The following GOLGA6C variants were observed in gnomAD, a reference collection of about 807,000 sequenced individuals.
GOLGA6C encodes the protein golgin A6 family member C.
Under a neutral mutation model 57.5 loss-of-function variants are expected in GOLGA6C, and 3 were observed. The ratio of observed to expected loss-of-function variants is 0.05; its 90% CI spans 0.02 to 0.13. The LOEUF (loss-of-function observed/expected upper bound fraction) is 0.13. Ranked by LOEUF, GOLGA6C falls within the 10% of genes least tolerant of loss-of-function variation. The pLI is 1.00. For missense variants in GOLGA6C, 88 were observed against 525.6 expected, an observed-to-expected ratio of 0.17 and a Z score of 8.14; for synonymous variants, 32 against 203.8, an observed-to-expected ratio of 0.16 and a Z score of 7.18.
At chr15:75,259,222 A>G (rs1486173884) in intron 1 of GOLGA6C, among the ~76,000 whole-genome samples, 1 of 149,628 alleles carries the variant, frequency 6.7e-6, no homozygotes, top group Admixed American at 6.6e-5. Flanking sequence ...CATTGCACTG[A>G]TGAGGTTTCC....
intron 1 of GOLGA6C, among the ~76,000 whole-genome samples, chr15:75,259,235 C>A (rs1284914518): frequency 6.7e-6 from 1 of 148,544 alleles, no homozygotes; most frequent in Admixed American, 6.6e-5. Flanking sequence ...AGGTTTCCCC[C>A]ACCCCCAGGA....
intron 2 of GOLGA6C, 144 bp downstream of exon 2, chr15:75,260,636 T>G: frequency 2.8e-6 from 3 of 1,083,258 alleles, no homozygotes; most frequent in Non-Finnish European, 3.9e-6. Context: ...TATGGCAAGT[T>G]GCTTGAGCTC....
intron 1 of GOLGA6C, among the ~76,000 whole-genome samples, chr15:75,259,191 A>C (rs1595969575): frequency 2.0e-5 from 3 of 149,000 alleles, no homozygotes; most frequent in African/African-American, 7.5e-5. Context: ...CCCCTCCCCC[A>C]TCGTGGATCG....
intron 7 of GOLGA6C, 68 bp downstream of exon 7, chr15:75,264,151 T>C: frequency 1.0e-6 from 1 of 966,640 alleles, no homozygotes; most frequent in Non-Finnish European, 1.6e-6. Context: ...AGCCTAAAGG[T>C]CCCTTCTGCA....
rs2070799117 is a variant in GOLGA6C, at chr15:75,273,238, G to C, written c.*3039G>C. On this transcript the variant is annotated 3_prime_UTR_variant, in exon 18 of 18. Transcript: ENST00000300576. ...AAAATATGAATACTGTAGTTTGAAA[G>C]AAAGAAACTGGGGGAAGGAAAAGTA... Among the ~76,000 whole-genome samples, 1 of 152,188 alleles carries C rather than the reference G, an allele frequency of 6.6e-6. No individual in the cohort carries two copies. The highest frequency in any genetic ancestry group is 2.1e-4 in the South Asian group (1 of 4,828).
At chr15:75,264,439 G>GGGGTGTGT (rs1248915336) in intron 7 of GOLGA6C, among the ~76,000 whole-genome samples, 3 of 117,276 alleles carry the variant, frequency 2.6e-5, no homozygotes, top group Admixed American at 8.5e-5. Context: ...AGAGGAAAGG[G>GGGGTGTGT]GTGTGTGTGT....
At chr15:75,270,018 A>G in intron 17 of GOLGA6C, 33 bp downstream of exon 17, 1 of 1,578,356 alleles carries the variant, frequency 6.3e-7, no homozygotes, top group Non-Finnish European at 8.6e-7. Flanking sequence ...GTGGGCAGGC[A>G]GGGGCAGGGG....
chr15:75,259,308 C>CT (rs2070724439), intron 1 of GOLGA6C, among the ~76,000 whole-genome samples: 1 of 125,390 alleles, frequency 8.0e-6, no homozygotes, highest in Non-Finnish European at 1.6e-5. Context: ...CAAGACCGGC[C>CT]TTTGATCTTA....
chr15:75,259,176 C>A (rs1411877196), intron 1 of GOLGA6C, among the ~76,000 whole-genome samples: 3 of 151,928 alleles, frequency 2.0e-5, no homozygotes, highest in African/African-American at 7.3e-5. Context: ...CCCAGCCCCA[C>A]GTCCCCCCTC....
chr15:75,272,882 G>T lies in GOLGA6C; in HGVS notation c.*2683G>T, dbSNP rs1429905832. 6.6e-6 allele frequency among the ~76,000 whole-genome samples: 1 copy of T among 152,006 alleles called. No homozygotes were observed. The highest frequency in any genetic ancestry group is 1.5e-5 in the Non-Finnish European group (1 of 68,048). The stretch of plus-strand genomic sequence containing the variant: ...TTGCTTAGAAGGCAACATTAGAAGG[G>T]TAGAGTTTAATCAGAAACATAGAAT... On this transcript the variant is annotated 3_prime_UTR_variant, in exon 18 of 18. Transcript: ENST00000300576.
chr15:75,271,589 CAGT>C lies in GOLGA6C; in HGVS notation c.*1392_*1394del, dbSNP rs1436303668. 1.8e-5 allele frequency among the ~76,000 whole-genome samples: 1 copy of C among 54,146 alleles called. No homozygotes were observed. The highest frequency in any genetic ancestry group is 7.5e-5 in the African/African-American group (1 of 13,348). 35.5% of individuals were successfully genotyped at this position (54,146 alleles called of 152,430 possible). A position where few individuals can be genotyped will look rare whatever the true frequency, so the allele number is the denominator to read the frequency against. On this transcript the variant is annotated 3_prime_UTR_variant, in exon 18 of 18. Coordinates refer to ENST00000300576, the MANE Select transcript of GOLGA6C (RefSeq NM_001164404.2). Reference sequence around the variant, plus strand: ...TGAAACAAAAAGGAGTTTTAGTAGACAGTATTATACTACACATGAAAATCAAGG... The same window carrying C: ...TGAAACAAAAAGGAGTTTTAGTAGACATTATACTACACATGAAAATCAAGG...
At position 75,273,188 on chromosome 15, in the gene GOLGA6C, G is replaced by A. The variant is rs2141637645; in HGVS notation, c.*2989G>A. 6.6e-6 allele frequency among the ~76,000 whole-genome samples: 1 copy of A among 152,272 alleles called. No homozygotes were observed. The highest frequency in any genetic ancestry group is 1.9e-4 in the East Asian group (1 of 5,196). ...TCAAAAATGTAACTGCTATCTTAATGTTTTGAAATAAGTTAAAACACTTTA... is the reference window on the plus strand; with the variant it reads ...TCAAAAATGTAACTGCTATCTTAATATTTTGAAATAAGTTAAAACACTTTA... On this transcript the variant is annotated 3_prime_UTR_variant, in exon 18 of 18. Transcript: ENST00000300576.
chr15:75,258,917 T>C (rs2070720832), intron 1 of GOLGA6C, among the ~76,000 whole-genome samples: 1 of 150,554 alleles, frequency 6.6e-6, no homozygotes, highest in Non-Finnish European at 1.5e-5. Flanking sequence ...GGATGACTAC[T>C]GGGGATACCT....
chr15:75,270,140 C>T lies in GOLGA6C; in HGVS notation c.2023C>T (p.His675Tyr). 2 of 1,593,186 alleles carry T rather than the reference C, an allele frequency of 1.3e-6. No homozygotes were observed. The highest frequency in any genetic ancestry group is 8.5e-7 in the Non-Finnish European group (1 of 1,174,566). Reference sequence around the variant, plus strand: ...AGGAGCGGCCAGGGAGGGTTCTCCCCATGACAACCCCCCGGTACAGCAGAT... The same window carrying T: ...AGGAGCGGCCAGGGAGGGTTCTCCCTATGACAACCCCCCGGTACAGCAGAT... ...APGAAREGSP[H>Y]DNPPVQQIVQ... is the part of the protein sequence containing the mutation. Residue 675 changes from histidine to tyrosine, a missense_variant, in exon 18 of 18, where the codon CAT (histidine) becomes TAT (tyrosine). By Grantham distance (83) the His-to-Tyr change is moderately conservative. Coordinates refer to ENST00000300576, the MANE Select transcript of GOLGA6C (RefSeq NM_001164404.2).
chr15:75,260,012 TA>T (rs1354822735), intron 1 of GOLGA6C, among the ~76,000 whole-genome samples: 1 of 89,224 alleles, frequency 1.1e-5, no homozygotes, highest in Non-Finnish European at 2.3e-5. Context: ...TTCTTCACAC[TA>T]ACAGACATTT....
At chr15:75,260,294 A>G in intron 1 of GOLGA6C, 79 bp from the exon 2 acceptor site, 1 of 1,533,072 alleles carries the variant, frequency 6.5e-7, no homozygotes, top group East Asian at 2.3e-5. Context: ...GTATAAGAGT[A>G]TTTTGCAAAA....
Position 75,260,338 on chromosome 15 carries a change from G to A in GOLGA6C, c.85-35G>A. 3.7e-6 allele frequency: 6 copies of A among 1,600,050 alleles called. 1 individual carries two copies. The highest frequency in any genetic ancestry group is 5.1e-6 in the Non-Finnish European group (6 of 1,174,308). On this transcript the variant is annotated intron_variant, in intron 1 of 17. Transcript: ENST00000300576. ...GAGGGTGTGGCTGTAAGGGCTGGTA[G>A]TTCTCATGTGTATTACTGCTCTTCT...
At chr15:75,265,023 C>A (rs1246435452) in intron 7 of GOLGA6C, 99 bp from the exon 8 acceptor site, 7 of 1,396,018 alleles carry the variant, frequency 5.0e-6, no homozygotes, top group Non-Finnish European at 5.9e-6. Flanking sequence ...AATGCCTTGA[C>A]CTTTACTAAC....
intron 2 of GOLGA6C, among the ~76,000 whole-genome samples, chr15:75,261,735 C>T (rs1414529852): frequency 4.3e-5 from 2 of 46,802 alleles, no homozygotes; most frequent in African/African-American, 1.1e-4. Context: ...CTTTTATTAT[C>T]TTGGAAATGG....
Sources: gnomAD v4.1 joint callset for allele counts (sites outside exome capture counted in the v4.1 genomes callset) on GRCh38, gnomAD v4.1.1 for gene constraint, MANE v1.5 for transcripts, NCBI Gene and HGNC (gene_info 2026-07-23, HGNC 2026-07-21) for gene names.